LHFPL3: variants seen among roughly 807,000 people sequenced by gnomAD.
The protein encoded by LHFPL3 is LHFPL tetraspan subfamily member 3 protein.
In LHFPL3, 5 loss-of-function variants were observed where a neutral mutation model predicts 19.3. The observed-to-expected ratio is 0.26, with a 90% CI of 0.14 to 0.54. The LOEUF (loss-of-function observed/expected upper bound fraction) is 0.54. Ranked by LOEUF, LHFPL3 falls within the 20% of genes least tolerant of loss-of-function variation. The pLI, the probability that LHFPL3 is intolerant of heterozygous loss-of-function variation, is 0.94. For synonymous variants in LHFPL3, 133 were observed against 126.2 expected (o/e 1.05, Z -0.36); for missense variants, 249 against 307.4 (o/e 0.81, Z 1.42).
At chr7:104,868,443 A>G (rs1301534027) in intron 2 of LHFPL3, among the ~76,000 whole-genome samples, 1 of 152,212 alleles carries the variant, frequency 6.6e-6, no homozygotes, top group Non-Finnish European at 1.5e-5. Flanking sequence ...TAACAGACAA[A>G]CAGCCAAATC....
At chr7:104,594,058 G>T (rs1187406740) in intron 1 of LHFPL3, among the ~76,000 whole-genome samples, 5 of 152,152 alleles carry the variant, frequency 3.3e-5, no homozygotes, top group Non-Finnish European at 7.4e-5. Flanking sequence ...TATTGTATGT[G>T]TGAATTTGAT....
At chr7:104,570,672 A>C (rs959814701) in intron 1 of LHFPL3, among the ~76,000 whole-genome samples, 1 of 152,074 alleles carries the variant, frequency 6.6e-6, no homozygotes, top group Non-Finnish European at 1.5e-5. Context: ...CCACCAAGAG[A>C]CTGTTCTTTT....
At chr7:104,565,435 C>G (rs1790099811) in intron 1 of LHFPL3, among the ~76,000 whole-genome samples, 2 of 152,154 alleles carry the variant, frequency 1.3e-5, no homozygotes, top group South Asian at 4.1e-4. Context: ...CTAATCTGGT[C>G]TATTAGTTAA....
At chr7:104,773,257 C>T (rs184766578) in intron 2 of LHFPL3, among the ~76,000 whole-genome samples, 1 of 152,184 alleles carries the variant, frequency 6.6e-6, no homozygotes, top group Non-Finnish European at 1.5e-5. Context: ...CAAGGACAGG[C>T]AGTGTGCCTC....
intron 1 of LHFPL3, among the ~76,000 whole-genome samples, chr7:104,734,170 C>A (rs558002523): frequency 7.7e-4 from 117 of 152,234 alleles, no homozygotes; most frequent in African/African-American, 1.1e-3. Context: ...TTCATTTCAA[C>A]TTTGGTGACT....
chr7:104,467,617 A>T (rs1792818915), intron 1 of LHFPL3, among the ~76,000 whole-genome samples: 1 of 152,172 alleles, frequency 6.6e-6, no homozygotes, highest in Non-Finnish European at 1.5e-5. Context: ...ATCTTCTGTT[A>T]TTTGGCAGAC....
chr7:104,750,865 G>C (rs1406614593), intron 2 of LHFPL3, among the ~76,000 whole-genome samples: 2 of 151,908 alleles, frequency 1.3e-5, no homozygotes, highest in African/African-American at 4.8e-5. Context: ...CCCGACAATG[G>C]TTGCCCATTT....
At chr7:104,514,783 G>A (rs756048608) in intron 1 of LHFPL3, among the ~76,000 whole-genome samples, 19 of 152,048 alleles carry the variant, frequency 1.2e-4, no homozygotes, top group African/African-American at 1.9e-4. Context: ...TTCATATATC[G>A]GGCATTTTTA....
At chr7:104,509,374 TAAAG>T (rs758840958) in intron 1 of LHFPL3, among the ~76,000 whole-genome samples, 4 of 151,990 alleles carry the variant, frequency 2.6e-5, no homozygotes, top group Non-Finnish European at 5.9e-5. Flanking sequence ...ACGATATGTA[TAAAG>T]AATTACACAC....
chr7:104,854,426 A>T (rs1484097929), intron 2 of LHFPL3, among the ~76,000 whole-genome samples: 5 of 152,208 alleles, frequency 3.3e-5, no homozygotes, highest in Non-Finnish European at 7.3e-5. Flanking sequence ...CTGTCTTCAG[A>T]GCTTCTCCTG....
chr7:104,741,688 A>G (rs891003780), intron 2 of LHFPL3, among the ~76,000 whole-genome samples: 14 of 152,018 alleles, frequency 9.2e-5, no homozygotes, highest in African/African-American at 3.4e-4. Context: ...AGTGTGTGCC[A>G]TCACATCCTG....
chr7:104,820,336 C>G (rs1216319222), intron 2 of LHFPL3, among the ~76,000 whole-genome samples: 1 of 152,158 alleles, frequency 6.6e-6, no homozygotes, highest in African/African-American at 2.4e-5. Flanking sequence ...AGCCTCTGAG[C>G]AGCTGAAATG....
chr7:104,765,329 G>C (rs2116382620), intron 2 of LHFPL3, among the ~76,000 whole-genome samples: 1 of 152,324 alleles, frequency 6.6e-6, no homozygotes, highest in Non-Finnish European at 1.5e-5. Context: ...CTTTCTTCAA[G>C]TTTAAAGATC....
chr7:104,460,910 C>G (rs1792649883), intron 1 of LHFPL3, among the ~76,000 whole-genome samples: 1 of 152,170 alleles, frequency 6.6e-6, no homozygotes, highest in South Asian at 2.1e-4. Context: ...ATCGTGAAAT[C>G]TTTGCCCATC....
At chr7:104,748,011 A>C (rs916292328) in intron 2 of LHFPL3, among the ~76,000 whole-genome samples, 15 of 152,112 alleles carry the variant, frequency 9.9e-5, no homozygotes, top group Non-Finnish European at 1.9e-4. Flanking sequence ...TGTACTAAGA[A>C]AAATTCTTCT....
intron 1 of LHFPL3, among the ~76,000 whole-genome samples, chr7:104,630,106 T>C (rs1246379394): frequency 6.6e-6 from 1 of 152,138 alleles, no homozygotes; most frequent in Non-Finnish European, 1.5e-5. Flanking sequence ...AAAGAGAAAG[T>C]CCTTGCTTTT....
chr7:104,796,541 T>G (rs567991530), intron 2 of LHFPL3: 1 of 152,268 alleles, frequency 6.6e-6, no homozygotes, highest in East Asian at 1.9e-4. Context: ...CCAAGTGACC[T>G]ATGAGTAGAG....
intron 1 of LHFPL3, among the ~76,000 whole-genome samples, chr7:104,657,767 C>A (rs550794272): frequency 6.6e-6 from 1 of 152,338 alleles, no homozygotes; most frequent in Admixed American, 6.5e-5. Flanking sequence ...ACAGACTTCC[C>A]CTTCCCAACT....
chr7:104,510,309 T>C (rs1793784798), intron 1 of LHFPL3, among the ~76,000 whole-genome samples: 1 of 152,132 alleles, frequency 6.6e-6, no homozygotes. Context: ...ATGGGTAGAA[T>C]CCATATATTC....
Sources: allele counts gnomAD v4.1 joint callset (sites outside exome capture counted in the v4.1 genomes callset), GRCh38; gene constraint gnomAD v4.1.1; transcripts MANE v1.5; gene names NCBI Gene and HGNC (gene_info 2026-07-23, HGNC 2026-07-21).